The following VPS33B variants were observed in gnomAD, a reference collection of about 807,000 sequenced individuals.
VPS33B encodes vacuolar protein sorting-associated protein 33B.
Under a neutral mutation model 95.3 loss-of-function variants are expected in VPS33B, and 80 were observed. The observed-to-expected ratio is 0.84, with a 90% CI of 0.70 to 1.01. The LOEUF (loss-of-function observed/expected upper bound fraction) is 1.01. VPS33B is among the 50% of genes least tolerant of loss of function. The pLI is 0.00. For synonymous variants in VPS33B, 280 were observed against 280.4 expected (o/e 1.00, Z 0.01); for missense variants, 715 against 773.4 (o/e 0.92, Z 0.90).
At chr15:91,017,911 C>T in intron 1 of VPS33B, 26 bp from the exon 2 acceptor site, 1 of 1,611,750 alleles carries the variant, frequency 6.2e-7, no homozygotes. Context: ...TATGTTGGGT[C>T]ACTCACAGGT....
In VPS33B at chr15:91,005,805, G is replaced by A; in HGVS notation, c.940-21C>T. 6.2e-7 allele frequency: 1 copy of A among 1,614,080 alleles called. No individual in the cohort carries two copies. The highest frequency in any genetic ancestry group is 8.5e-7 in the Non-Finnish European group (1 of 1,179,980). ...CGGCGCTGTGGGAAAATTCCCAAAG[G>A]TGAACCCCCCAACCTCAGACACGAG... On this transcript the variant is annotated intron_variant, in intron 12 of 22. Transcript: ENST00000333371. This position sits in a 1 kb window ranked among gnomAD's most constrained non-coding sequence, Gnocchi z 6.4.
chr15:91,014,311 G>T (rs530503277), intron 4 of VPS33B, 73 bp downstream of exon 4: 5 of 1,454,830 alleles, frequency 3.4e-6, no homozygotes, highest in South Asian at 1.1e-5. Context: ...TTATTAGAGG[G>T]TCCTTATGGC....
chr15:91,011,429 A>C lies in VPS33B; in HGVS notation c.358-1583T>G, dbSNP rs2040776037. 6.6e-6 allele frequency among the ~76,000 whole-genome samples: 1 copy of C among 152,202 alleles called. No individual in the cohort carries two copies. The highest frequency in any genetic ancestry group is 6.5e-5 in the Admixed American group (1 of 15,272). On this transcript the variant is annotated intron_variant, in intron 5 of 22. Coordinates refer to ENST00000333371, the MANE Select transcript of VPS33B (RefSeq NM_018668.5). This position sits in a 1 kb window ranked among gnomAD's most constrained non-coding sequence, Gnocchi z 5.5. ...CTCCCTCACTCATTTCTGCCAGGAA[A>C]ACTGAAATCTTCAGGCCTGCTTTTA... is the stretch of plus-strand genomic sequence containing the variant.
intron 1 of VPS33B, among the ~76,000 whole-genome samples, chr15:91,020,598 A>G (rs967137561): frequency 6.6e-6 from 1 of 152,182 alleles, no homozygotes; most frequent in African/African-American, 2.4e-5. Flanking sequence ...AAAGAGAAAG[A>G]AGCCGGGAGT....
Position 90,999,844 on chromosome 15 carries a change from T to G in VPS33B, c.1658-51A>C, listed in dbSNP as rs905303762. On this transcript the variant is annotated intron_variant, in intron 21 of 22. Transcript: ENST00000333371. This position sits in a 1 kb window ranked among gnomAD's most constrained non-coding sequence, Gnocchi z 5.1. ...CCTTCCCTGACATGCTAGTCCTGAG[T>G]GGTGCATCCAGCCCACCTCTCACTG... The G allele has an allele frequency of 1.1e-5, 17 of 1,613,290 alleles. No homozygotes were observed. The highest frequency in any genetic ancestry group is 1.3e-5 in the Non-Finnish European group (15 of 1,179,434).
At chr15:91,020,602 C>T (rs895386971) in intron 1 of VPS33B, among the ~76,000 whole-genome samples, 15 of 152,058 alleles carry the variant, frequency 9.9e-5, no homozygotes, top group African/African-American at 2.2e-4. Flanking sequence ...AGAAAGAAGC[C>T]GGGAGTGGTA....
chr15:91,009,796 C>T lies in VPS33B; in HGVS notation c.403+5G>A. 6.2e-7 allele frequency: 1 copy of T among 1,614,186 alleles called. No homozygotes were observed. On this transcript the variant is annotated splice_donor_5th_base_variant and intron_variant, in intron 6 of 22. Coordinates refer to ENST00000333371, the MANE Select transcript of VPS33B (RefSeq NM_018668.5). This position sits in a 1 kb window ranked among gnomAD's most constrained non-coding sequence, Gnocchi z 4.1. ...CCCTTTCCACTCACATTCATCTCCT[C>T]TCACCTCCATAGATTCCCTCTTCCT...
chr15:91,004,443 G>T (rs2094417284), intron 16 of VPS33B, among the ~76,000 whole-genome samples: 1 of 152,188 alleles, frequency 6.6e-6, no homozygotes, highest in Non-Finnish European at 1.5e-5. Context: ...GGTGGGGGTT[G>T]TGGTGAGCCG....
chr15:91,018,660 G>C lies in VPS33B; in HGVS notation c.97-775C>G, dbSNP rs1196411438. 6.6e-6 allele frequency among the ~76,000 whole-genome samples: 1 copy of C among 152,182 alleles called. No homozygotes were observed. Among genetic ancestry groups the C allele is most frequent in the Non-Finnish European group, 1.5e-5 (1 of 68,030 alleles). On this transcript the variant is annotated intron_variant, in intron 1 of 22. Coordinates refer to ENST00000333371, the MANE Select transcript of VPS33B (RefSeq NM_018668.5). This position sits in a 1 kb window ranked among gnomAD's most constrained non-coding sequence, Gnocchi z 4.7. The stretch of plus-strand genomic sequence containing the variant: ...TTTTTGGTTATCTGACTCAGGGTAG[G>C]GGTTTTACTGGCATCTTGTGGGTAG...
In VPS33B at chr15:90,999,790, A is replaced by G. The variant is rs2040381945; in HGVS notation, c.1661T>C (p.Met554Thr). Residue 554 changes from methionine (M) to threonine (T), a missense_variant, in exon 22 of 23, where the codon ATG becomes ACG. Transcript: ENST00000333371. The surrounding 1 kb of genome is among the most constrained non-coding windows in gnomAD (Gnocchi z 5.1). ...ACTGGAAGCCTTGTCTTCCTTAGTC[A>G]TATCTGTGAGGATCAGACCAGATTC... ...LNCSDFAFTD[M>T]TKEDKASSES... 1 of 1,614,130 alleles carries G rather than the reference A, an allele frequency of 6.2e-7. No homozygotes were observed. The highest frequency in any genetic ancestry group is 1.1e-5 in the South Asian group (1 of 91,070).
Position 91,000,324 on chromosome 15 carries a change from G to C in VPS33B, c.1581+166C>G, listed in dbSNP as rs149208734. Among the ~76,000 whole-genome samples, 559 of 152,240 alleles carry C rather than the reference G, an allele frequency of 3.7e-3. 2 individuals are homozygous for C. Among genetic ancestry groups the C allele is most frequent in the African/African-American group, 0.013 (540 of 41,538 alleles). ...AGGCAGGAGAATCACTTGAATCTGG[G>C]AGGTGGAGGTTGCAGTGAGCCAAGA... On this transcript the variant is annotated intron_variant, in intron 20 of 22. Transcript: ENST00000333371. The surrounding 1 kb of genome is among the most constrained non-coding windows in gnomAD (Gnocchi z 4.9).
chr15:91,015,589 T>C lies in VPS33B; in HGVS notation c.240-1156A>G, dbSNP rs7173457. On this transcript the variant is annotated intron_variant, in intron 3 of 22. Transcript: ENST00000333371. The surrounding 1 kb of genome is among the most constrained non-coding windows in gnomAD (Gnocchi z 4.7). ...CAGCTACTTGGGAGGCTAAGAAGAA[T>C]TGCTTGAACCTGGGAGGCAGATCCC... Among the ~76,000 whole-genome samples, 3,121 of 151,916 alleles carry C rather than the reference T, an allele frequency of 0.021. 109 individuals carry two copies. Among genetic ancestry groups the C allele is most frequent in the African/African-American group, 0.07 (2,890 of 41,432 alleles).
At chr15:91,003,479 A>C (rs542383667) in intron 16 of VPS33B, among the ~76,000 whole-genome samples, 1 of 152,010 alleles carries the variant, frequency 6.6e-6, no homozygotes, top group Admixed American at 6.6e-5. Context: ...TTGCTCTGTC[A>C]CTCAGGCTGG....
intron 6 of VPS33B, among the ~76,000 whole-genome samples, chr15:91,008,918 G>T (rs2040695142): frequency 6.6e-6 from 1 of 152,176 alleles, no homozygotes; most frequent in Non-Finnish European, 1.5e-5. Flanking sequence ...AAAAGCATGG[G>T]TAAAGTCTCT....
Position 91,002,295 on chromosome 15 carries a change from G to A in VPS33B, c.1273-113C>T. On this transcript the variant is annotated intron_variant, in intron 17 of 22. Transcript: ENST00000333371. The surrounding 1 kb of genome is among the most constrained non-coding windows in gnomAD (Gnocchi z 4.7). Reference sequence around the variant, plus strand: ...GAAGCCTCTGCTGCAGTGTGAAGGAGCTCACACTTTGTTGAGATAAATTTT... The same window carrying A: ...GAAGCCTCTGCTGCAGTGTGAAGGAACTCACACTTTGTTGAGATAAATTTT... 6 of 1,435,776 alleles carry A rather than the reference G, an allele frequency of 4.2e-6. No homozygotes were observed. The highest frequency in any genetic ancestry group is 5.8e-6 in the Non-Finnish European group (6 of 1,041,980). The allele number at this position is 1,435,776 out of a possible 1,614,324, so 88.9% of individuals were successfully genotyped here.
chr15:91,009,238 T>C lies in VPS33B; in HGVS notation c.403+563A>G, dbSNP rs2040704777. On this transcript the variant is annotated intron_variant, in intron 6 of 22. Transcript: ENST00000333371. The surrounding 1 kb of genome is among the most constrained non-coding windows in gnomAD (Gnocchi z 4.1). ...CTACCCCAGGAGTGTTCTTTTCTTA[T>C]CCTTTCTTTTCCCTCCCTCCCTCTC... Among the ~76,000 whole-genome samples the C allele has an allele frequency of 1.3e-5, 2 of 151,986 alleles. No individual in the cohort carries two copies. The highest frequency in any genetic ancestry group is 2.9e-5 in the Non-Finnish European group (2 of 67,964).
At position 91,018,394 on chromosome 15, in the gene VPS33B, C is replaced by G. The variant is rs1443110430; in HGVS notation, c.97-509G>C. ...ACCCCACAATCCCTGTCATACGATT[C>G]CTGCACCACCACTCCTGACACCGAT... On this transcript the variant is annotated intron_variant, in intron 1 of 22. Transcript: ENST00000333371. This position sits in a 1 kb window ranked among gnomAD's most constrained non-coding sequence, Gnocchi z 4.7. Among the ~76,000 whole-genome samples, 3 of 152,170 alleles carry G rather than the reference C, an allele frequency of 2.0e-5. No individual in the cohort carries two copies. Among genetic ancestry groups the G allele is most frequent in the African/African-American group, 7.2e-5 (3 of 41,438 alleles).
At position 90,999,906 on chromosome 15, in the gene VPS33B, A is replaced by G. The variant is rs1181188046; in HGVS notation, c.1651T>C (p.Phe551Leu). Reference protein sequence around the residue: ...VRLLNCSDFAFTDMTKEDKAS... With the variant: ...VRLLNCSDFALTDMTKEDKAS... ...CACTGTTAATGCCACATACCTGTGA[A>G]TGCAAAGTCACTGCAGTTGAGCAGC... Residue 551 changes from phenylalanine to leucine, a missense_variant, in exon 21 of 23, where the codon TTC becomes CTC. Physicochemically the swap from Phe to Leu is conservative, Grantham distance 22 (BLOSUM62 0). Coordinates refer to ENST00000333371, the MANE Select transcript of VPS33B (RefSeq NM_018668.5). This position sits in a 1 kb window ranked among gnomAD's most constrained non-coding sequence, Gnocchi z 5.1. The G allele has an allele frequency of 6.2e-7, 1 of 1,614,186 alleles. No homozygotes were observed. The highest frequency in any genetic ancestry group is 1.1e-5 in the South Asian group (1 of 91,080).
chr15:90,999,598 T>A lies in VPS33B; in HGVS notation c.1774+79A>T, dbSNP rs2040373869. ...CCTCCCAAAGTGCTGAGATTACAGG[T>A]ATGAACCACCGTGCCCAGCTGACAC... On this transcript the variant is annotated intron_variant, in intron 22 of 22. Transcript: ENST00000333371. This position sits in a 1 kb window ranked among gnomAD's most constrained non-coding sequence, Gnocchi z 5.1. The A allele has an allele frequency of 1.4e-6, 2 of 1,467,992 alleles. No individual in the cohort carries two copies. The highest frequency in any genetic ancestry group is 3.3e-5 in the Admixed American group (2 of 59,716). The allele number at this position is 1,467,992 out of a possible 1,614,324, so 90.9% of individuals were successfully genotyped here.
Sources: allele counts gnomAD v4.1 joint callset (sites outside exome capture counted in the v4.1 genomes callset), GRCh38; gene constraint gnomAD v4.1.1; non-coding constraint Gnocchi (gnomAD v3.1); transcripts MANE v1.5; gene names NCBI Gene and HGNC (gene_info 2026-07-23, HGNC 2026-07-21).